ZNF766: variants seen among roughly 807,000 people sequenced by gnomAD.
The protein encoded by ZNF766 is zinc finger protein 766.
A neutral mutation model predicts 13.2 loss-of-function variants in ZNF766; 13 were observed. The observed-to-expected ratio is 0.98, with a 90% CI of 0.64 to 1.56. The LOEUF is 1.56. Ranked by LOEUF, ZNF766 falls within the 40% of genes most tolerant of loss-of-function variation. The pLI is 0.00. For synonymous variants in ZNF766, 178 were observed against 187.6 expected (o/e 0.95, Z 0.42); for missense variants, 521 against 552.2 (o/e 0.94, Z 0.57).
chr19:52,283,608 C>T (rs1345318659), intron 3 of ZNF766, among the ~76,000 whole-genome samples, 195 bp downstream of exon 3: 1 of 152,162 alleles, frequency 6.6e-6, no homozygotes, highest in Non-Finnish European at 1.5e-5. Flanking sequence ...ACCAGAGCCA[C>T]ACTATTAAAT....
chr19:52,292,420 G>C lies in ZNF766; in HGVS notation c.*1222G>C. 2.2e-6 allele frequency: 1 copy of C among 462,076 alleles called. No individual in the cohort carries two copies. The highest frequency in any genetic ancestry group is 4.2e-5 in the South Asian group (1 of 23,890). 28.6% of individuals were successfully genotyped at this position (462,076 alleles called of 1,614,324 possible). On this transcript the variant is annotated 3_prime_UTR_variant, in exon 4 of 4. Coordinates refer to ENST00000439461, the MANE Select transcript of ZNF766 (RefSeq NM_001010851.3). ...TGAAATAGAGCACGCCATGACTTTAGGACACAGGGATTTTTATGGGAAGAG... is the reference window on the plus strand; with the variant it reads ...TGAAATAGAGCACGCCATGACTTTACGACACAGGGATTTTTATGGGAAGAG...
chr19:52,286,478 G>T (rs1305364627), intron 3 of ZNF766, among the ~76,000 whole-genome samples: 3 of 151,972 alleles, frequency 2.0e-5, no homozygotes, highest in Non-Finnish European at 4.4e-5. Flanking sequence ...GTTTCGCTGT[G>T]TTAGCCAGGC....
In ZNF766 at chr19:52,291,265, C is replaced by T; in HGVS notation, c.*67C>T. On this transcript the variant is annotated 3_prime_UTR_variant, in exon 4 of 4. Coordinates refer to ENST00000439461, the MANE Select transcript of ZNF766 (RefSeq NM_001010851.3). ...CCGAGAGTCTATACTAGAAAGAAAT[C>T]ATTTAAATGTACTATATGTGGCACA... 1 of 1,433,508 alleles carries T rather than the reference C, an allele frequency of 7.0e-7. No individual in the cohort carries two copies. The highest frequency in any genetic ancestry group is 9.4e-7 in the Non-Finnish European group (1 of 1,063,000). 88.8% of individuals were successfully genotyped at this position (1,433,508 alleles called of 1,614,324 possible).
chr19:52,291,427 A>G lies in ZNF766; in HGVS notation c.*229A>G. 2.1e-6 allele frequency: 1 copy of G among 468,910 alleles called. No individual in the cohort carries two copies. Among genetic ancestry groups the G allele is most frequent in the Non-Finnish European group, 3.7e-6 (1 of 268,658 alleles). 29.0% of individuals were successfully genotyped at this position (468,910 alleles called of 1,614,324 possible). A position where few individuals can be genotyped will look rare whatever the true frequency, so the allele number is the denominator to read the frequency against. On this transcript the variant is annotated 3_prime_UTR_variant, in exon 4 of 4. Transcript: ENST00000439461. Reference sequence around the variant, plus strand: ...ATGATATGATGTGTATAAAGGGTGCAAGGACACGTGGAAATGATCTGTAAT... The same window carrying G: ...ATGATATGATGTGTATAAAGGGTGCGAGGACACGTGGAAATGATCTGTAAT...
Position 52,290,481 on chromosome 19 carries a change from C to T in ZNF766, c.690C>T (p.Leu230=), listed in dbSNP as rs764209654. ...AAACCGTCAGGGACAAGTCAGGCCTCGCAGAACATTGGAGAATTCGTACAG... is the reference window on the plus strand; with the variant it reads ...AAACCGTCAGGGACAAGTCAGGCCTTGCAGAACATTGGAGAATTCGTACAG... ...CGKTVRDKSG[L]AEHWRIRTGE... is the part of the protein sequence containing the mutation. The change falls in exon 4 of 4, where the codon CTC becomes CTT. Residue 230 remains leucine (L), a synonymous_variant. Coordinates refer to ENST00000439461, the MANE Select transcript of ZNF766 (RefSeq NM_001010851.3). 1.9e-5 allele frequency: 30 copies of T among 1,613,776 alleles called. No individual in the cohort carries two copies. Among genetic ancestry groups the T allele is most frequent in the Middle Eastern group, 1.6e-4 (1 of 6,084 alleles).
Position 52,290,830 on chromosome 19 carries a change from T to G in ZNF766, c.1039T>G (p.Leu347Val). Residue 347 changes from leucine (L) to valine (V), a missense_variant, in exon 4 of 4, where the codon TTA becomes GTA. By Grantham distance (32) the Leu-to-Val change is conservative. Transcript: ENST00000439461. ...SGHSSLTTHL[L>V]IHTGEKPYKC... ...GCATTCAAGCCTCACCACCCATCTG[T>G]TAATCCACACTGGAGAGAAACCTTA... 1 of 1,614,024 alleles carries G rather than the reference T, an allele frequency of 6.2e-7. No homozygotes were observed. Among genetic ancestry groups the G allele is most frequent in the Non-Finnish European group, 8.5e-7 (1 of 1,179,956 alleles).
In ZNF766 at chr19:52,282,050, T is replaced by G. The variant is rs570614317; in HGVS notation, c.19-61T>G. ...GTCAGTCCTTACAACCCTCTTCTCATTTCGTGTGAACATAATTACTCTCTC... is the reference window on the plus strand; with the variant it reads ...GTCAGTCCTTACAACCCTCTTCTCAGTTCGTGTGAACATAATTACTCTCTC... On this transcript the variant is annotated intron_variant, in intron 1 of 3. Transcript: ENST00000439461. The G allele has an allele frequency of 1.9e-6, 3 of 1,562,486 alleles. No individual in the cohort carries two copies. In the East Asian group the frequency reaches 7.1e-5, roughly 37 times the overall value.
intron 1 of ZNF766, among the ~76,000 whole-genome samples, chr19:52,270,042 C>G (rs1436923006): frequency 6.6e-6 from 1 of 152,180 alleles, no homozygotes; most frequent in Non-Finnish European, 1.5e-5. Flanking sequence ...GACCCCACCC[C>G]TGATCTGCCT....
chr19:52,286,239 T>G (rs1033089136), intron 3 of ZNF766, among the ~76,000 whole-genome samples: 5 of 151,040 alleles, frequency 3.3e-5, no homozygotes, highest in African/African-American at 9.8e-5. Context: ...TTGAGTATGA[T>G]GTTACCTTTC....
rs2122498691 is a variant in ZNF766, at chr19:52,294,397, G to A, written c.*3199G>A. ...TGACATCCACCTGAAGTTTGGTTTG[G>A]GTATTGAGAATGATGATGCCATTCA... On this transcript the variant is annotated 3_prime_UTR_variant, in exon 4 of 4. Transcript: ENST00000439461. 1 of 152,164 alleles carries A rather than the reference G, an allele frequency of 6.6e-6. No homozygotes were observed. Among genetic ancestry groups the A allele is most frequent in the Admixed American group, 6.5e-5 (1 of 15,270 alleles). 9.4% of individuals were successfully genotyped at this position (152,164 alleles called of 1,614,324 possible).
At chr19:52,284,735 G>A (rs1398103623) in intron 3 of ZNF766, 1 of 151,828 alleles carries the variant, frequency 6.6e-6, no homozygotes, top group Non-Finnish European at 1.5e-5. Flanking sequence ...CCCTTCTTCT[G>A]TTTGGTTACT....
At chr19:52,274,961 A>T (rs1333183039) in intron 1 of ZNF766, among the ~76,000 whole-genome samples, 1 of 152,246 alleles carries the variant, frequency 6.6e-6, no homozygotes, top group Non-Finnish European at 1.5e-5. Context: ...ATAGGCACCA[A>T]CACCTAAAGA....
chr19:52,273,166 G>C (rs2002323), intron 1 of ZNF766, among the ~76,000 whole-genome samples: 23,131 of 151,794 alleles, frequency 0.15, 2,048 homozygotes, highest in African/African-American at 0.23. Context: ...GCACCATCAC[G>C]CCCAACTAAT....
At chr19:52,289,058 A>G (rs147711278) in intron 3 of ZNF766, among the ~76,000 whole-genome samples, 5,219 of 149,386 alleles carry the variant, frequency 0.035, 106 homozygotes, top group African/African-American at 0.041. Context: ...GGGTTTCACC[A>G]TGTTGATCAG....
chr19:52,292,478 G>A lies in ZNF766; in HGVS notation c.*1280G>A. On this transcript the variant is annotated 3_prime_UTR_variant, in exon 4 of 4. Coordinates refer to ENST00000439461, the MANE Select transcript of ZNF766 (RefSeq NM_001010851.3). The stretch of plus-strand genomic sequence containing the variant: ...CAGGGACTGATTACGTAGGAGAGAC[G>A]ATGCAGGGGAAATGGTGGCCACCGT... 3.0e-6 allele frequency: 1 copy of A among 337,522 alleles called. No individual in the cohort carries two copies. Among genetic ancestry groups the A allele is most frequent in the Non-Finnish European group, 5.3e-6 (1 of 187,174 alleles). The allele number at this position is 337,522 out of a possible 1,614,324, so 20.9% of individuals were successfully genotyped here. A position where few individuals can be genotyped will look rare whatever the true frequency, so the allele number is the denominator to read the frequency against.
chr19:52,283,177 C>G (rs1232629875), intron 2 of ZNF766, 108 bp from the exon 3 acceptor site: 7 of 1,381,522 alleles, frequency 5.1e-6, no homozygotes, highest in Non-Finnish European at 6.8e-6. Context: ...GATCGCCATT[C>G]TAACTGGCTT....
intron 1 of ZNF766, among the ~76,000 whole-genome samples, chr19:52,271,397 G>A (rs1418552792): frequency 2.0e-5 from 3 of 152,026 alleles, no homozygotes; most frequent in Non-Finnish European, 2.9e-5. Context: ...GGAAAAACAC[G>A]TGCACATTTC....
intron 1 of ZNF766, among the ~76,000 whole-genome samples, chr19:52,272,020 T>A (rs1161354335): frequency 6.7e-6 from 1 of 149,822 alleles, no homozygotes; most frequent in Non-Finnish European, 1.5e-5. Context: ...GAAGCCTTCA[T>A]TTTCTTGCCA....
chr19:52,285,966 G>T (rs1981796257), intron 3 of ZNF766, among the ~76,000 whole-genome samples: 1 of 152,120 alleles, frequency 6.6e-6, no homozygotes, highest in Non-Finnish European at 1.5e-5. Context: ...ACACCACACA[G>T]AGGAGCCTGG....
Sources: gnomAD v4.1 joint callset for allele counts (sites outside exome capture counted in the v4.1 genomes callset) on GRCh38, gnomAD v4.1.1 for gene constraint, MANE v1.5 for transcripts, NCBI Gene and HGNC (gene_info 2026-07-23, HGNC 2026-07-21) for gene names.